SLC5A10: variants seen among roughly 807,000 people sequenced by gnomAD.
The protein encoded by SLC5A10 is solute carrier family 5 member 10.
SLC5A10 carries 55 observed loss-of-function variants against 68.9 expected under a neutral mutation model. That is an observed-to-expected ratio of 0.80 (90% CI 0.64 to 1.00). SLC5A10 has a LOEUF of 1.00. SLC5A10 is among the 50% of genes least tolerant of loss of function. SLC5A10 has a pLI of 0.00. For missense variants in SLC5A10, 732 were observed against 819.3 expected (o/e 0.89, Z 1.30); for synonymous variants, 344 against 344.8 (o/e 1.00, Z 0.02).
chr17:19,019,379 G>A, intron 11 of SLC5A10, 44 bp from the exon 12 acceptor site: 1 of 1,582,446 alleles, frequency 6.3e-7, no homozygotes, highest in Non-Finnish European at 8.6e-7. Flanking sequence ...GAGAGCTGAA[G>A]AGCCTCCCAC....
intron 7 of SLC5A10, chr17:18,969,723 G>A (rs2042791982): frequency 2.8e-6 from 1 of 356,800 alleles, no homozygotes; most frequent in Non-Finnish European, 5.1e-6. Flanking sequence ...GCGCTTGATG[G>A]TGAGGTGGGG....
At chr17:18,972,233 G>A (rs2152002895) in intron 8 of SLC5A10, among the ~76,000 whole-genome samples, 1 of 152,270 alleles carries the variant, frequency 6.6e-6, no homozygotes, top group Non-Finnish European at 1.5e-5. Flanking sequence ...GGAGCATGGG[G>A]GTGGGAAAAG....
At chr17:19,007,662 G>A (rs1365213979) in intron 9 of SLC5A10, among the ~76,000 whole-genome samples, 2 of 152,184 alleles carry the variant, frequency 1.3e-5, no homozygotes, top group East Asian at 3.8e-4. Flanking sequence ...TCTAGCTACA[G>A]GACCTTTGTT....
At chr17:18,952,071 A>C, upstream of SLC5A10, 1 of 1,412,096 alleles carries the variant, frequency 7.1e-7, no homozygotes, top group Middle Eastern at 2.5e-4. Flanking sequence ...CCCTGCATGC[A>C]GCCACATCAT....
Position 18,978,231 on chromosome 17 carries a change from C to T in SLC5A10, c.982+1242C>T, listed in dbSNP as rs952267447. The T allele has an allele frequency of 5.0e-6, 8 of 1,587,098 alleles. No individual in the cohort carries two copies. Among genetic ancestry groups the T allele is most frequent in the East Asian group, 2.2e-5 (1 of 44,616 alleles). On this transcript the variant is annotated intron_variant, in intron 9 of 14. Coordinates refer to ENST00000395645, the MANE Select transcript of SLC5A10 (RefSeq NM_001042450.4). ...ACACCGTCCTGGGGGGCACTGGGCT[C>T]TGGGGGAGGGCAAGGCTCTGGACGG...
Position 19,019,757 on chromosome 17 carries a change from G to A in SLC5A10, c.1455G>A (p.Thr485=), listed in dbSNP as rs1425502583. 7 of 1,612,574 alleles carry A rather than the reference G, an allele frequency of 4.3e-6. No homozygotes were observed. Among genetic ancestry groups the A allele is most frequent in the South Asian group, 3.3e-5 (3 of 90,936 alleles). ...TAGCAGGGCTGGTGGTGGGGGCCAC[G>A]AGGCTGGTCCTGGAATTCCTGAACC... ...GLIAGLVVGA[T]RLVLEFLNPA... is the part of the protein sequence containing the mutation. The change falls in exon 13 of 15, where the codon ACG becomes ACA. Residue 485 remains threonine (T), a synonymous_variant. Coordinates refer to ENST00000395645, the MANE Select transcript of SLC5A10 (RefSeq NM_001042450.4).
At chr17:18,975,268 C>G (rs557727470) in intron 8 of SLC5A10, among the ~76,000 whole-genome samples, 150 of 152,302 alleles carry the variant, frequency 9.8e-4, no homozygotes, top group African/African-American at 3.3e-3. Flanking sequence ...AGCAGCTTGC[C>G]CTGCGTTCGG....
chr17:18,985,072 T>C (rs2043235716), intron 9 of SLC5A10, among the ~76,000 whole-genome samples: 1 of 151,804 alleles, frequency 6.6e-6, no homozygotes, highest in African/African-American at 2.4e-5. Context: ...AGGAGCCGAG[T>C]GAGGGTGAAC....
upstream of SLC5A10, chr17:18,950,702 T>C (rs1465767253): frequency 1.0e-6 from 1 of 985,322 alleles, no homozygotes; most frequent in African/African-American, 1.7e-5. Context: ...GGACTATTAA[T>C]TGTTTTTTGT....
intron 9 of SLC5A10, chr17:18,978,031 C>G: frequency 6.5e-7 from 1 of 1,537,640 alleles, no homozygotes; most frequent in South Asian, 1.3e-5. Flanking sequence ...GGCCTGCCAT[C>G]CTGGGTAGCC....
rs746792856 is a variant in SLC5A10 at position 18,971,610 on chromosome 17, G to T, written c.846+392G>T. ...CCTCCCTTGGCCTGCCAGTGGTGGG[G>T]GCCAGCCATGGCTGGGCCAGCGTTT... On this transcript the variant is annotated intron_variant, in intron 8 of 14. Coordinates refer to ENST00000395645, the MANE Select transcript of SLC5A10 (RefSeq NM_001042450.4). This position sits in a 1 kb window ranked among gnomAD's most constrained non-coding sequence, Gnocchi z 5.5. 4 of 1,613,520 alleles carry T rather than the reference G, an allele frequency of 2.5e-6. No individual in the cohort carries two copies. Among genetic ancestry groups the T allele is most frequent in the Non-Finnish European group, 2.5e-6 (3 of 1,179,972 alleles).
intron 5 of SLC5A10, among the ~76,000 whole-genome samples, chr17:18,967,691 C>T (rs1466284148): frequency 6.6e-6 from 1 of 152,236 alleles, no homozygotes; most frequent in Non-Finnish European, 1.5e-5. Flanking sequence ...CCCTCTCGGC[C>T]TTCCCTCTCC....
intron 10 of SLC5A10, among the ~76,000 whole-genome samples, chr17:19,014,435 G>A (rs891798293): frequency 6.6e-6 from 1 of 152,220 alleles, no homozygotes. Context: ...CAAGGAGAGA[G>A]GGGATCCACT....
chr17:18,978,505 T>A (rs745566884), intron 9 of SLC5A10: 4 of 1,612,924 alleles, frequency 2.5e-6, no homozygotes, highest in South Asian at 2.2e-5. Context: ...GCTCGGGGAG[T>A]TCCCCTGGAT....
chr17:18,954,667 C>A (rs918459802), intron 1 of SLC5A10, among the ~76,000 whole-genome samples: 1 of 152,074 alleles, frequency 6.6e-6, no homozygotes, highest in Non-Finnish European at 1.5e-5. Flanking sequence ...CGGGGGGAGG[C>A]CTTTAAGGAA....
At chr17:19,002,287 C>T (rs556995995) in intron 9 of SLC5A10, among the ~76,000 whole-genome samples, 1 of 152,366 alleles carries the variant, frequency 6.6e-6, no homozygotes, top group Non-Finnish European at 1.5e-5. Context: ...GCAGCCAGGC[C>T]AGGGGCCAGG....
At chr17:18,992,271 A>AG (rs2043445985) in intron 9 of SLC5A10, among the ~76,000 whole-genome samples, 1 of 152,180 alleles carries the variant, frequency 6.6e-6, no homozygotes, top group Admixed American at 6.5e-5. Context: ...TCCTTGGGAC[A>AG]GGGGGACATC....
In SLC5A10 at chr17:18,960,568, C is replaced by A. The variant is rs138879652; in HGVS notation, c.369C>A (p.Tyr123Ter). 20 of 1,614,000 alleles carry A rather than the reference C, an allele frequency of 1.2e-5. No individual in the cohort carries two copies. Among genetic ancestry groups the A allele is most frequent in the Non-Finnish European group, 1.7e-5 (20 of 1,179,982 alleles). Residue 123 changes from tyrosine to a stop codon, truncating the protein, a stop_gained, in exon 5 of 15, where the codon TAC becomes TAA. Coordinates refer to ENST00000395645, the MANE Select transcript of SLC5A10 (RefSeq NM_001042450.4). LOFTEE classifies it high-confidence loss of function. ...ISSEIVTLPE[Y>*]IQKRYGGQRI... The stretch of plus-strand genomic sequence containing the variant: ...CCCAGATCGTCACCTTACCTGAGTA[C>A]ATTCAGAAGCGCTACGGGGGCCAGC...
Position 19,003,805 on chromosome 17 carries a change from C to T in SLC5A10, c.983-9605C>T. On this transcript the variant is annotated intron_variant, in intron 9 of 14. Transcript: ENST00000395645. The surrounding 1 kb of genome is among the most constrained non-coding windows in gnomAD (Gnocchi z 4.5). ...GAGAGGGGCCCGTGCCCCGAGGGTC[C>T]TCAGAGCCCGGGTCGTACACCTCGA... 2 of 1,612,704 alleles carry T rather than the reference C, an allele frequency of 1.2e-6. No individual in the cohort carries two copies. The highest frequency in any genetic ancestry group is 1.7e-6 in the Non-Finnish European group (2 of 1,179,820).
Sources: allele counts gnomAD v4.1 joint callset (sites outside exome capture counted in the v4.1 genomes callset), GRCh38; gene constraint gnomAD v4.1.1; non-coding constraint Gnocchi (gnomAD v3.1); transcripts MANE v1.5; gene names NCBI Gene and HGNC (gene_info 2026-07-23, HGNC 2026-07-21).